ELOC: variants seen among roughly 807,000 people sequenced by gnomAD.
The protein encoded by ELOC is elongin C, also known as elongin-C.
For missense variants in ELOC, 38 were observed against 139.0 expected (o/e 0.27, Z 3.65); for synonymous variants, 40 against 51.3 (o/e 0.78, Z 0.94).
intron 1 of ELOC, among the ~76,000 whole-genome samples, chr8:73,968,005 G>C (rs962610770): frequency 6.6e-6 from 1 of 152,122 alleles, no homozygotes; most frequent in Non-Finnish European, 1.5e-5. Context: ...GCACAATTTT[G>C]TGCCTATGTG....
At chr8:73,947,997 A>T (rs1341408476) in intron 3 of ELOC, among the ~76,000 whole-genome samples, 1 of 152,140 alleles carries the variant, frequency 6.6e-6, no homozygotes, top group Non-Finnish European at 1.5e-5. Flanking sequence ...GTTCGAGAGC[A>T]GCCTGACTAA....
At chr8:73,956,498 C>A (rs1453127073) in intron 2 of ELOC, among the ~76,000 whole-genome samples, 1 of 152,206 alleles carries the variant, frequency 6.6e-6, no homozygotes, top group African/African-American at 2.4e-5. Flanking sequence ...AAGACATTAA[C>A]AGTTTTTAAC....
At position 73,955,894 on chromosome 8, in the gene ELOC, G is replaced by A. The variant is rs375711491; in HGVS notation, c.148+17C>T. On this transcript the variant is annotated intron_variant, in intron 3 of 3. Coordinates refer to ENST00000520242, the MANE Select transcript of ELOC (RefSeq NM_005648.4). ...TTAAAAGTGAATATATGAAGAAAAA[G>A]ACAGAACTGTGCTTACCTGGGCCAC... 6.3e-7 allele frequency: 1 copy of A among 1,590,208 alleles called. No homozygotes were observed. The highest frequency in any genetic ancestry group is 8.6e-7 in the Non-Finnish European group (1 of 1,166,018).
rs926235321 is a variant in ELOC, at chr8:73,959,877, C to A, written c.-50-59G>T. On this transcript the variant is annotated intron_variant, in intron 1 of 3. Coordinates refer to ENST00000520242, the MANE Select transcript of ELOC (RefSeq NM_005648.4). ...GTTGCAAGAGACAAGTTTTCATTCA[C>A]TGTTATTTAATGTCCTTGGTGTTAA... is the stretch of plus-strand genomic sequence containing the variant. The A allele has an allele frequency of 9.8e-6, 9 of 920,432 alleles. No individual in the cohort carries two copies. The South Asian group carries it at 1.8e-4, about 18-fold the overall frequency. 57.0% of individuals were successfully genotyped at this position (920,432 alleles called of 1,614,324 possible). A position where few individuals can be genotyped will look rare whatever the true frequency, so the allele number is the denominator to read the frequency against.
chr8:73,961,899 G>A (rs1439032647), intron 1 of ELOC, among the ~76,000 whole-genome samples: 1 of 151,638 alleles, frequency 6.6e-6, no homozygotes, highest in Admixed American at 6.6e-5. Flanking sequence ...ACATTATCTT[G>A]TTTATTTATT....
At chr8:73,968,505 T>C (rs890302904) in intron 1 of ELOC, among the ~76,000 whole-genome samples, 1 of 152,366 alleles carries the variant, frequency 6.6e-6, no homozygotes, top group East Asian at 1.9e-4. Flanking sequence ...CAACATATAA[T>C]GTGTATTAAT....
chr8:73,962,168 G>A (rs1586612938), intron 1 of ELOC, among the ~76,000 whole-genome samples: 1 of 152,278 alleles, frequency 6.6e-6, no homozygotes, highest in East Asian at 1.9e-4. Context: ...AGTGCTGGGA[G>A]TACAGGTGTG....
At chr8:73,962,144 A>G (rs1190522243) in intron 1 of ELOC, among the ~76,000 whole-genome samples, 1 of 151,958 alleles carries the variant, frequency 6.6e-6, no homozygotes, top group Non-Finnish European at 1.5e-5. Context: ...GATCCACCCA[A>G]CTCAGCCTCC....
intron 1 of ELOC, among the ~76,000 whole-genome samples, chr8:73,967,654 A>G (rs534068564): frequency 6.6e-6 from 1 of 152,016 alleles, no homozygotes; most frequent in Non-Finnish European, 1.5e-5. Context: ...TTTTTAGTGG[A>G]GACAGGGTTT....
At chr8:73,958,971 G>A (rs930314698) in intron 2 of ELOC, among the ~76,000 whole-genome samples, 3 of 152,152 alleles carry the variant, frequency 2.0e-5, no homozygotes, top group African/African-American at 7.2e-5. Flanking sequence ...AACCTGTACG[G>A]TATGTTACTG....
chr8:73,955,664 C>A, intron 3 of ELOC: 1 of 452,290 alleles, frequency 2.2e-6, no homozygotes, highest in Non-Finnish European at 4.0e-6. Context: ...TCCAGCTACT[C>A]TGAGGCAGGA....
intron 1 of ELOC, among the ~76,000 whole-genome samples, chr8:73,965,638 T>G (rs1176385784): frequency 1.3e-5 from 2 of 152,220 alleles, no homozygotes; most frequent in Admixed American, 6.5e-5. Context: ...AAAAATGTCT[T>G]GCTATATATT....
At chr8:73,956,147 T>C in intron 2 of ELOC, 93 bp from the exon 3 acceptor site, 1 of 1,205,040 alleles carries the variant, frequency 8.3e-7, no homozygotes, top group Admixed American at 2.2e-5. Context: ...ACGCCTGTAA[T>C]CCCAGCACTT....
intron 1 of ELOC, among the ~76,000 whole-genome samples, chr8:73,969,306 ATT>A (rs200111720): frequency 6.6e-6 from 1 of 151,580 alleles, no homozygotes; most frequent in African/African-American, 2.4e-5. Flanking sequence ...TTCAAAAAAC[ATT>A]TTTTTTTGTT....
intron 2 of ELOC, 131 bp downstream of exon 2, chr8:73,959,633 CA>C (rs1814456114): frequency 1.2e-5 from 8 of 673,078 alleles, no homozygotes. Context: ...GTGTAGTAAA[CA>C]TAAGCTGTTG....
In ELOC at chr8:73,952,723, A is replaced by G. The variant is rs555375682; in HGVS notation, c.148+3188T>C. On this transcript the variant is annotated intron_variant, in intron 3 of 3. Transcript: ENST00000520242. Reference sequence around the variant, plus strand: ...ATGAAACTGGGAGGTGGAGCTTGCAATAAGCCAAGGTTGCGCCACTGCACT... The same window carrying G: ...ATGAAACTGGGAGGTGGAGCTTGCAGTAAGCCAAGGTTGCGCCACTGCACT... Among the ~76,000 whole-genome samples, 4 of 148,854 alleles carry G rather than the reference A, an allele frequency of 2.7e-5. No individual in the cohort carries two copies. The East Asian group carries it at 8.2e-4, about 30-fold the overall frequency.
intron 1 of ELOC, among the ~76,000 whole-genome samples, chr8:73,966,935 A>G (rs1403336031): frequency 3.9e-5 from 6 of 152,156 alleles, no homozygotes; most frequent in Admixed American, 3.9e-4. Flanking sequence ...TAGTGCTTAA[A>G]ATCAGTCAAC....
intron 1 of ELOC, chr8:73,970,654 T>C (rs1410875839): frequency 1.3e-5 from 2 of 152,166 alleles, no homozygotes; most frequent in East Asian, 1.9e-4. Context: ...AACATGATTA[T>C]AATGTAAATG....
chr8:73,969,380 T>A (rs1416298067), intron 1 of ELOC, among the ~76,000 whole-genome samples: 1 of 152,196 alleles, frequency 6.6e-6, no homozygotes, highest in Non-Finnish European at 1.5e-5. Context: ...ACATTCCAAA[T>A]CAGACTACTA....
Sources: gnomAD v4.1 joint callset for allele counts (sites outside exome capture counted in the v4.1 genomes callset) on GRCh38, gnomAD v4.1.1 for gene constraint, MANE v1.5 for transcripts, NCBI Gene and HGNC (gene_info 2026-07-23, HGNC 2026-07-21) for gene names.